The following DAPK2 variants were observed in gnomAD, a reference collection of about 807,000 sequenced individuals.
The protein encoded by DAPK2 is death associated protein kinase 2, also known as death-associated protein kinase 2.
Under a neutral mutation model 44.1 loss-of-function variants are expected in DAPK2, and 35 were observed. The ratio of observed to expected loss-of-function variants is 0.79; its 90% CI spans 0.61 to 1.05. The LOEUF is 1.05. DAPK2 is among the 50% of genes least tolerant of loss of function. The pLI is 0.00. For missense variants in DAPK2, 453 were observed against 483.2 expected (o/e 0.94, Z 0.59); for synonymous variants, 174 against 182.6 (o/e 0.95, Z 0.38).
intron 1 of DAPK2, among the ~76,000 whole-genome samples, chr15:64,007,896 T>C (rs183877066): frequency 8.7e-4 from 132 of 152,310 alleles, no homozygotes; most frequent in African/African-American, 2.6e-3. Context: ...GAAAATACTA[T>C]GCTAAGTGAA....
intron 3 of DAPK2, among the ~76,000 whole-genome samples, chr15:63,955,669 G>T (rs145775929): frequency 6.6e-6 from 1 of 152,224 alleles, no homozygotes; most frequent in East Asian, 1.9e-4. Context: ...CAGGGCTTAG[G>T]TGATCCTCCC....
intron 3 of DAPK2, among the ~76,000 whole-genome samples, chr15:63,970,516 T>C (rs145383515): frequency 6.6e-6 from 1 of 152,254 alleles, no homozygotes; most frequent in African/African-American, 2.4e-5. Flanking sequence ...TCTAGCATAG[T>C]ACTTAGAGTT....
intron 1 of DAPK2, among the ~76,000 whole-genome samples, chr15:64,030,815 T>G (rs1334353726): frequency 1.3e-5 from 2 of 151,972 alleles, no homozygotes; most frequent in East Asian, 3.9e-4. Flanking sequence ...CAAAAAATTT[T>G]AAAATTATCA....
chr15:63,939,389 AAAGG>A lies in DAPK2; in HGVS notation c.454-32_454-29del. ...GGACAACAAAAAGTAGAAAAAAAAA[AAAGG>A]AAGGAAGAAAAGAAAAAAAAAGACG... On this transcript the variant is annotated intron_variant, in intron 3 of 10. Coordinates refer to ENST00000261891, the Ensembl canonical transcript of DAPK2. This position sits in a 1 kb window ranked among gnomAD's most constrained non-coding sequence, Gnocchi z 4.3. 6.4e-7 allele frequency: 1 copy of A among 1,567,508 alleles called. No homozygotes were observed. Among genetic ancestry groups the A allele is most frequent in the Non-Finnish European group, 8.6e-7 (1 of 1,164,600 alleles).
At chr15:63,927,701 G>A (rs2079341289) in intron 6 of DAPK2, among the ~76,000 whole-genome samples, 1 of 151,928 alleles carries the variant, frequency 6.6e-6, no homozygotes, top group Non-Finnish European at 1.5e-5. Flanking sequence ...AAATTCAAAT[G>A]AGCCACAAGA....
At chr15:63,981,426 T>A (rs953191656) in intron 2 of DAPK2, among the ~76,000 whole-genome samples, 3 of 152,186 alleles carry the variant, frequency 2.0e-5, no homozygotes, top group Admixed American at 6.5e-5. Context: ...GAAAATGGAC[T>A]AAGACAAGGG....
At chr15:63,909,149 A>G (rs1043641086) in intron 10 of DAPK2, 3 of 152,218 alleles carry the variant, frequency 2.0e-5, no homozygotes, top group African/African-American at 4.8e-5. Flanking sequence ...CAGTTCCTAC[A>G]TGGCAAACCA....
chr15:63,959,397 T>C (rs2077821354), intron 3 of DAPK2, among the ~76,000 whole-genome samples: 1 of 152,210 alleles, frequency 6.6e-6, no homozygotes, highest in African/African-American at 2.4e-5. Context: ...CTATGTTGAA[T>C]AGGAGTGGTG....
chr15:64,027,633 G>A (rs951340290), intron 1 of DAPK2, among the ~76,000 whole-genome samples: 2 of 152,122 alleles, frequency 1.3e-5, no homozygotes, highest in Non-Finnish European at 1.5e-5. Context: ...GAGAGAATAA[G>A]GTTTGAAATT....
At chr15:64,001,372 T>C (rs1394916206) in intron 1 of DAPK2, among the ~76,000 whole-genome samples, 1 of 152,108 alleles carries the variant, frequency 6.6e-6, no homozygotes, top group Non-Finnish European at 1.5e-5. Flanking sequence ...TGTGATGGTG[T>C]AATCTCCTTC....
intron 1 of DAPK2, among the ~76,000 whole-genome samples, chr15:64,033,699 G>C (rs1045339886): frequency 6.6e-6 from 1 of 152,032 alleles, no homozygotes; most frequent in Non-Finnish European, 1.5e-5. Flanking sequence ...ACGAGGTCAG[G>C]AGATGGAGAC....
chr15:63,991,138 A>G (rs2078805465), intron 1 of DAPK2: 1 of 426,122 alleles, frequency 2.3e-6, no homozygotes, highest in Non-Finnish European at 4.7e-6. Flanking sequence ...ACCAAAACAG[A>G]GTGAAGAAAT....
rs1191594037 is a variant in DAPK2, at chr15:63,923,240, G to C, written c.858+1576C>G. ...GAAGTTGACATAGGAGTTGTTGGGA[G>C]GCATGCTTGAGTGGCATTTGAGAGT... On this transcript the variant is annotated intron_variant, in intron 8 of 10. Coordinates refer to ENST00000261891, the Ensembl canonical transcript of DAPK2. This position sits in a 1 kb window ranked among gnomAD's most constrained non-coding sequence, Gnocchi z 4.2. 6.5e-7 allele frequency: 1 copy of C among 1,535,886 alleles called. No homozygotes were observed. Among genetic ancestry groups the C allele is most frequent in the African/African-American group, 1.4e-5 (1 of 73,134 alleles).
At chr15:63,924,769 C>A in intron 8 of DAPK2, 47 bp downstream of exon 9, 1 of 1,609,208 alleles carries the variant, frequency 6.2e-7, no homozygotes, top group Non-Finnish European at 8.5e-7. Context: ...ACCCTGGCGA[C>A]AGAGCAGGGA....
intron 2 of DAPK2, among the ~76,000 whole-genome samples, chr15:63,973,014 G>C (rs2078254257): frequency 6.6e-6 from 1 of 152,202 alleles, no homozygotes; most frequent in African/African-American, 2.4e-5. Flanking sequence ...CAGAGATCGT[G>C]GGGGTGAAAA....
At chr15:63,986,812 G>A (rs2078679712) in intron 1 of DAPK2, among the ~76,000 whole-genome samples, 1 of 152,110 alleles carries the variant, frequency 6.6e-6, no homozygotes, top group Admixed American at 6.5e-5. Context: ...GCCTGAAGAT[G>A]GGGCTATTTA....
intron 8 of DAPK2, chr15:63,922,686 C>T (rs554751672): frequency 4.7e-5 from 69 of 1,471,928 alleles, no homozygotes; most frequent in Non-Finnish European, 5.9e-5. Flanking sequence ...TGGATGAGAA[C>T]ATGCTTCTGC....
chr15:64,030,309 A>AAAAACCG (rs2079975662), intron 1 of DAPK2, among the ~76,000 whole-genome samples: 2 of 151,974 alleles, frequency 1.3e-5, no homozygotes, highest in African/African-American at 2.4e-5. Flanking sequence ...ACCAAAAACC[A>AAAAACCG]AAGTCTGTTG....
rs2078809634 is a variant in DAPK2 at position 63,912,071 on chromosome 15, C to T, written c.948+37G>A. ...GAGAGCCAGAAACCCCGCCCTAGCC[C>T]CCACCCTGTCCCCCGCCGCCCCAAC... On this transcript the variant is annotated intron_variant, in intron 9 of 10. Coordinates refer to ENST00000261891, the Ensembl canonical transcript of DAPK2. This position sits in a 1 kb window ranked among gnomAD's most constrained non-coding sequence, Gnocchi z 4.4. 6.3e-7 allele frequency: 1 copy of T among 1,587,108 alleles called. No individual in the cohort carries two copies. Among genetic ancestry groups the T allele is most frequent in the Non-Finnish European group, 8.6e-7 (1 of 1,164,024 alleles).
Sources: gnomAD v4.1 joint callset for allele counts (sites outside exome capture counted in the v4.1 genomes callset) on GRCh38, gnomAD v4.1.1 for gene constraint, Gnocchi (gnomAD v3.1) non-coding constraint, MANE v1.5 for transcripts, NCBI Gene and HGNC (gene_info 2026-07-23, HGNC 2026-07-21) for gene names.